The following FAM227A variants were observed in gnomAD, a reference collection of about 807,000 sequenced individuals.
FAM227A encodes the protein family with sequence similarity 227 member A.
A neutral mutation model predicts 74.7 loss-of-function variants in FAM227A; 80 were observed. That is an observed-to-expected ratio of 1.07 (90% confidence interval 0.89 to 1.29). FAM227A has a LOEUF of 1.29. Ranked by LOEUF, FAM227A falls within the 50% of genes most tolerant of loss-of-function variation. The pLI, the probability that FAM227A is intolerant of heterozygous loss-of-function variation, is 0.00. For missense variants in FAM227A, 654 were observed against 683.4 expected, an observed-to-expected ratio of 0.96 and a Z score of 0.48; for synonymous variants, 237 against 241.8, an observed-to-expected ratio of 0.98 and a Z score of 0.19.
intron 1 of FAM227A, among the ~76,000 whole-genome samples, chr22:38,655,837 C>T (rs1243320118): frequency 1.3e-5 from 2 of 152,266 alleles, no homozygotes; most frequent in Non-Finnish European, 2.9e-5. Flanking sequence ...ACCCCTGGGT[C>T]CTGCCCCTCA....
intron 11 of FAM227A, among the ~76,000 whole-genome samples, chr22:38,609,773 C>CT (rs869048280): frequency 1.7e-3 from 242 of 145,908 alleles, no homozygotes; most frequent in East Asian, 6.1e-3. Flanking sequence ...TCTTTTCTTT[C>CT]TTTTTTTTTT....
chr22:38,647,238 G>T (rs562714936), intron 2 of FAM227A, among the ~76,000 whole-genome samples: 1 of 152,214 alleles, frequency 6.6e-6, no homozygotes, highest in African/African-American at 2.4e-5. Context: ...GCTGAGGCAG[G>T]TGGATCACTT....
intron 6 of FAM227A, among the ~76,000 whole-genome samples, chr22:38,631,013 C>T (rs2091905423): frequency 6.6e-6 from 1 of 152,060 alleles, no homozygotes; most frequent in South Asian, 2.1e-4. Context: ...ACTAAAAATA[C>T]AAAAATTAGC....
intron 6 of FAM227A, among the ~76,000 whole-genome samples, chr22:38,632,996 G>A (rs1257775966): frequency 2.0e-5 from 3 of 152,194 alleles, no homozygotes; most frequent in Admixed American, 6.5e-5. Context: ...GGGCTGGTGC[G>A]GAGCTGAGAA....
chr22:38,612,554 T>C (rs749163085), intron 11 of FAM227A, among the ~76,000 whole-genome samples: 1 of 152,142 alleles, frequency 6.6e-6, no homozygotes, highest in Non-Finnish European at 1.5e-5. Context: ...CTTTTTCTTC[T>C]CCACATATGT....
intron 2 of FAM227A, among the ~76,000 whole-genome samples, chr22:38,646,921 C>T (rs1057290492): frequency 3.3e-5 from 5 of 151,734 alleles, no homozygotes; most frequent in East Asian, 3.9e-4. Context: ...GAGGCTGAGG[C>T]GGGCAGATCA....
intron 14 of FAM227A, among the ~76,000 whole-genome samples, chr22:38,597,946 G>A (rs2091083299): frequency 6.7e-6 from 1 of 150,108 alleles, no homozygotes; most frequent in East Asian, 2.0e-4. Context: ...GGGAGGCTGA[G>A]GCAGGAGAAT....
At chr22:38,614,374 G>A (rs915455176) in intron 11 of FAM227A, among the ~76,000 whole-genome samples, 1 of 151,714 alleles carries the variant, frequency 6.6e-6, no homozygotes, top group African/African-American at 2.4e-5. Context: ...ATTTATAGCT[G>A]GGTCTCATAG....
At chr22:38,646,314 C>T (rs2092238277) in intron 2 of FAM227A, among the ~76,000 whole-genome samples, 1 of 119,476 alleles carries the variant, frequency 8.4e-6, no homozygotes, top group Non-Finnish European at 1.6e-5. Flanking sequence ...GGCTGGAGTG[C>T]AGTGGCGGGA....
At chr22:38,609,118 G>A (rs1233857787) in intron 11 of FAM227A, among the ~76,000 whole-genome samples, 1 of 152,144 alleles carries the variant, frequency 6.6e-6, no homozygotes, top group African/African-American at 2.4e-5. Flanking sequence ...AGGGTCCAAG[G>A]AGGCATCTGG....
chr22:38,653,937 A>G (rs2092355732), intron 1 of FAM227A: 2 of 152,202 alleles, frequency 1.3e-5, no homozygotes, highest in Non-Finnish European at 2.9e-5. Flanking sequence ...AATCATAATT[A>G]TGAGTTATAA....
Position 38,628,876 on chromosome 22 carries a change from G to C in FAM227A, c.579C>G (p.Ile193Met). 6.5e-7 allele frequency: 1 copy of C among 1,547,582 alleles called. No individual in the cohort carries two copies. The highest frequency in any genetic ancestry group is 8.7e-7 in the Non-Finnish European group (1 of 1,144,604). ...ATATCCACCAAAAGCTATCCAGCCA[G>C]ATGGCTCTTGGAGAAGAAGAAGAGA... ...KFLSSSSPRA[I>M]WLDSFWWIFH... The change falls in exon 7 of 17, where the codon ATC becomes ATG. Residue 193 changes from isoleucine (I) to methionine (M), a missense_variant. By Grantham distance (10) the Ile-to-Met change is conservative. Coordinates refer to ENST00000535113, the MANE Select transcript of FAM227A (RefSeq NM_001013647.2).
At chr22:38,601,962 T>C (rs975176311) in intron 13 of FAM227A, among the ~76,000 whole-genome samples, 2 of 152,074 alleles carry the variant, frequency 1.3e-5, no homozygotes, top group African/African-American at 4.8e-5. Context: ...GGGCCAAGAA[T>C]GGTTTGTTTT....
At chr22:38,587,465 A>G (rs1473790678) in intron 16 of FAM227A, among the ~76,000 whole-genome samples, 1 of 152,202 alleles carries the variant, frequency 6.6e-6, no homozygotes, top group African/African-American at 2.4e-5. Context: ...ATGCCAATAA[A>G]TTATATAGCC....
intron 13 of FAM227A, among the ~76,000 whole-genome samples, chr22:38,603,070 C>T (rs985316993): frequency 1.1e-4 from 16 of 151,638 alleles, no homozygotes; most frequent in Non-Finnish European, 1.9e-4. Flanking sequence ...GGTGGGGTTT[C>T]GCCATGTTGG....
chr22:38,598,940 C>A (rs970782038), intron 14 of FAM227A, among the ~76,000 whole-genome samples: 1 of 151,450 alleles, frequency 6.6e-6, no homozygotes, highest in South Asian at 2.1e-4. Flanking sequence ...CCAATATAGG[C>A]CACACTTGTT....
chr22:38,591,352 T>C lies in FAM227A; in HGVS notation c.1638+83A>G, dbSNP rs780126605. On this transcript the variant is annotated intron_variant, in intron 16 of 16. Coordinates refer to ENST00000535113, the MANE Select transcript of FAM227A (RefSeq NM_001013647.2). ...AAATAAAATAAAATAAAATAATTAT[T>C]ATTCTTACATGTTCACACTTCTACC... 81 of 1,476,614 alleles carry C rather than the reference T, an allele frequency of 5.5e-5. 1 individual carries two copies. In the Middle Eastern group the frequency reaches 8.8e-4, roughly 16 times the overall value. The allele number at this position is 1,476,614 out of a possible 1,614,324, so 91.5% of individuals were successfully genotyped here.
intron 6 of FAM227A, among the ~76,000 whole-genome samples, chr22:38,631,461 T>G (rs1171725713): frequency 1.3e-5 from 2 of 152,056 alleles, no homozygotes; most frequent in African/African-American, 4.8e-5. Flanking sequence ...GGAAATGGGT[T>G]CACTAGAAGC....
chr22:38,623,433 T>G (rs1234154233), intron 9 of FAM227A, among the ~76,000 whole-genome samples, 154 bp from the exon 10 acceptor site: 1 of 151,744 alleles, frequency 6.6e-6, no homozygotes, highest in African/African-American at 2.4e-5. Context: ...AAAAAGAAAT[T>G]AAAAAAAGAG....
Sources: gnomAD v4.1 joint callset for allele counts (sites outside exome capture counted in the v4.1 genomes callset) on GRCh38, gnomAD v4.1.1 for gene constraint, MANE v1.5 for transcripts, NCBI Gene and HGNC (gene_info 2026-07-23, HGNC 2026-07-21) for gene names.